Variants in EPB41L2 observed in about 807,000 individuals in gnomAD.
EPB41L2 encodes erythrocyte membrane protein band 4.1 like 2.
Under a neutral mutation model 113.0 loss-of-function variants are expected in EPB41L2, and 43 were observed. That is an observed-to-expected ratio of 0.38 (90% CI 0.30 to 0.49). EPB41L2 has a LOEUF of 0.49. EPB41L2 is among the 20% of genes least tolerant of loss of function. EPB41L2 has a pLI of 0.95. For synonymous variants in EPB41L2, 442 were observed against 436.7 expected (o/e 1.01, Z -0.15); for missense variants, 1,147 against 1,223.4 (o/e 0.94, Z 0.93).
At position 130,866,974 on chromosome 6, in the gene EPB41L2, T is replaced by TTGTG. The variant is rs138332627; in HGVS notation, c.2730+481_2730+484dup. On this transcript the variant is annotated intron_variant, in intron 16 of 19. Transcript: ENST00000337057. ...CACAGGTGTGTGTGCCTGTGTGTGT[T>TTGTG]TGTGTGTGTGTGTGTGTGTATGTGT... is the stretch of plus-strand genomic sequence containing the variant. 7.3e-5 allele frequency among the ~76,000 whole-genome samples: 11 copies of TTGTG among 149,956 alleles called. No homozygotes were observed. The South Asian group carries it at 1.3e-3, about 17-fold the overall frequency.
At chr6:130,890,174 G>GA (rs1792321603) in intron 11 of EPB41L2, 120 bp downstream of exon 11, 2 of 1,007,884 alleles carry the variant, frequency 2.0e-6, no homozygotes. Flanking sequence ...ATTTACTCGG[G>GA]AAAAAATGGC....
intron 19 of EPB41L2, 135 bp downstream of exon 19, chr6:130,857,996 G>A: frequency 1.4e-6 from 1 of 708,216 alleles, no homozygotes; most frequent in Non-Finnish European, 2.5e-6. Context: ...TGCACCTGGG[G>A]ATGATAACAG....
intron 4 of EPB41L2, among the ~76,000 whole-genome samples, chr6:130,916,970 T>C (rs1801302776): frequency 6.6e-6 from 1 of 152,238 alleles, no homozygotes; most frequent in African/African-American, 2.4e-5. Context: ...AACCTTCTAA[T>C]TTTTGACAGC....
chr6:131,024,769 G>C (rs537387064), intron 1 of EPB41L2, among the ~76,000 whole-genome samples: 1 of 152,130 alleles, frequency 6.6e-6, no homozygotes, highest in Non-Finnish European at 1.5e-5. Flanking sequence ...ACTAACCTTA[G>C]AGCCTTCTCT....
chr6:130,993,426 T>C (rs1304535389), intron 1 of EPB41L2, among the ~76,000 whole-genome samples: 3 of 152,236 alleles, frequency 2.0e-5, no homozygotes, highest in Non-Finnish European at 2.9e-5. Flanking sequence ...CCTGAGAGCG[T>C]GCCAACAAAC....
intron 18 of EPB41L2, among the ~76,000 whole-genome samples, chr6:130,861,926 T>C (rs1245528905): frequency 2.0e-5 from 3 of 150,072 alleles, no homozygotes; most frequent in African/African-American, 7.3e-5. Context: ...AGGCAAAATC[T>C]CTGTTCTCTT....
intron 4 of EPB41L2, among the ~76,000 whole-genome samples, chr6:130,925,026 T>G (rs1032323051): frequency 2.0e-5 from 3 of 152,024 alleles, no homozygotes; most frequent in Non-Finnish European, 2.9e-5. Flanking sequence ...CTACATCCAG[T>G]AGGCAATTAA....
At chr6:130,934,063 A>G (rs1266989363) in intron 3 of EPB41L2, among the ~76,000 whole-genome samples, 1 of 152,252 alleles carries the variant, frequency 6.6e-6, no homozygotes, top group African/African-American at 2.4e-5. Flanking sequence ...AAAGAAAGGT[A>G]TGCACAGAGC....
At chr6:130,893,833 G>T (rs1301898085) in intron 10 of EPB41L2, among the ~76,000 whole-genome samples, 1 of 152,168 alleles carries the variant, frequency 6.6e-6, no homozygotes, top group Non-Finnish European at 1.5e-5. Context: ...GTTCAAGTTG[G>T]TTTGGGAAAG....
At chr6:130,945,631 T>A (rs1323120318) in intron 3 of EPB41L2, among the ~76,000 whole-genome samples, 3 of 152,168 alleles carry the variant, frequency 2.0e-5, no homozygotes, top group Non-Finnish European at 4.4e-5. Flanking sequence ...TTAAAACACA[T>A]ATACCGACTT....
At chr6:130,896,451 A>C (rs1794686820) in intron 8 of EPB41L2, among the ~76,000 whole-genome samples, 1 of 152,218 alleles carries the variant, frequency 6.6e-6, no homozygotes, top group Non-Finnish European at 1.5e-5. Context: ...GGCCACCGGG[A>C]GCAAGGCAGA....
Position 130,955,217 on chromosome 6 carries a change from T to G in EPB41L2, c.593A>C (p.Gln198Pro). The change falls in exon 3 of 20, where the codon CAG becomes CCG. Residue 198 changes from glutamine to proline, a missense_variant. Gln to Pro is a moderately conservative substitution (Grantham distance 76). Transcript: ENST00000337057. ...CTTCTCTGCTTTCAGCTCATTGGTC[T>G]GCACTTCCTTGGTCTCCCTTTTTGC... ...GAAKRETKEV[Q>P]TNELKAEKAS... 6.2e-7 allele frequency: 1 copy of G among 1,614,206 alleles called. No individual in the cohort carries two copies. The highest frequency in any genetic ancestry group is 8.5e-7 in the Non-Finnish European group (1 of 1,180,028).
At chr6:130,894,506 G>C (rs1446854033) in intron 9 of EPB41L2, 65 bp from the exon 10 acceptor site, 29 of 1,407,710 alleles carry the variant, frequency 2.1e-5, no homozygotes, top group Non-Finnish European at 2.9e-5. Flanking sequence ...TTACTGAAAA[G>C]CATGCATTCA....
intron 1 of EPB41L2, among the ~76,000 whole-genome samples, chr6:131,016,225 C>G (rs1178704751): frequency 6.6e-6 from 1 of 151,998 alleles, no homozygotes; most frequent in African/African-American, 2.4e-5. Flanking sequence ...ATACCTTTTC[C>G]AGCAAAATTA....
At chr6:131,020,612 T>C (rs1562746503) in intron 1 of EPB41L2, among the ~76,000 whole-genome samples, 1 of 152,216 alleles carries the variant, frequency 6.6e-6, no homozygotes, top group Non-Finnish European at 1.5e-5. Context: ...ATGCTAGATA[T>C]CTAAAGTTTA....
At chr6:130,870,386 A>C in intron 14 of EPB41L2, 2 of 1,550,620 alleles carry the variant, frequency 1.3e-6, no homozygotes, top group East Asian at 4.9e-5. Context: ...ACGTGTCTGC[A>C]GAACAAAAAG....
intron 17 of EPB41L2, 33 bp from the exon 18 acceptor site, chr6:130,863,751 G>T: frequency 4.0e-6 from 6 of 1,498,244 alleles, no homozygotes; most frequent in Non-Finnish European, 4.6e-6. Flanking sequence ...AGAAAAAACA[G>T]CAATCACTGA....
intron 1 of EPB41L2, among the ~76,000 whole-genome samples, chr6:130,986,448 A>G (rs1780569706): frequency 6.6e-6 from 1 of 152,214 alleles, no homozygotes; most frequent in Non-Finnish European, 1.5e-5. Flanking sequence ...AGAAAAAAAA[A>G]AGAACTGTTG....
Position 130,956,059 on chromosome 6 carries a change from C to A in EPB41L2, c.427G>T (p.Val143Phe), listed in dbSNP as rs1320750231. The A allele has an allele frequency of 6.2e-7, 1 of 1,614,050 alleles. No individual in the cohort carries two copies. The highest frequency in any genetic ancestry group is 1.1e-5 in the South Asian group (1 of 91,056). ...CTCACTGAGGGTTTTTCTTCCTTGA[C>A]TTCAACTTTAATCTCTTGTTTCTTC... ...AQKKQEIKVEVKEEKPSVSKE... is the reference protein window; with the variant it reads ...AQKKQEIKVEFKEEKPSVSKE... Residue 143 changes from valine to phenylalanine, a missense_variant, in exon 2 of 20, where the codon GTC becomes TTC. Transcript: ENST00000337057.
Sources: allele counts gnomAD v4.1 joint callset (sites outside exome capture counted in the v4.1 genomes callset), GRCh38; gene constraint gnomAD v4.1.1; transcripts MANE v1.5; gene names NCBI Gene and HGNC (gene_info 2026-07-23, HGNC 2026-07-21).